The following SPIDR variants were observed in gnomAD, a reference collection of about 807,000 sequenced individuals.
SPIDR encodes the protein scaffold protein involved in DNA repair, also known as DNA repair-scaffolding protein.
SPIDR carries 93 observed loss-of-function variants against 104.6 expected under a neutral mutation model. The ratio of observed to expected loss-of-function variants is 0.89; its 90% CI spans 0.75 to 1.06. The LOEUF (loss-of-function observed/expected upper bound fraction) is 1.06, where lower values mean the gene tolerates loss of function less well. Among genes scored for constraint, SPIDR ranks in the 50% least tolerant of loss-of-function variants. The pLI, the probability that SPIDR is intolerant of heterozygous loss-of-function variation, is 0.00. For synonymous variants in SPIDR, 431 were observed against 416.9 expected (o/e 1.03, Z -0.41); for missense variants, 1,154 against 1,111.2 (o/e 1.04, Z -0.55).
chr8:47,583,700 T>G (rs2059978598), intron 8 of SPIDR, among the ~76,000 whole-genome samples: 1 of 152,154 alleles, frequency 6.6e-6, no homozygotes, highest in Non-Finnish European at 1.5e-5. Context: ...GAACATGAAT[T>G]TTTTCTGCAG....
At chr8:47,411,609 G>C (rs923952089) in intron 7 of SPIDR, among the ~76,000 whole-genome samples, 2 of 152,156 alleles carry the variant, frequency 1.3e-5, no homozygotes, top group Admixed American at 6.6e-5. Flanking sequence ...TAGGTTGCCT[G>C]TTCACTCTGA....
chr8:47,646,700 T>A (rs2154449689), intron 10 of SPIDR, among the ~76,000 whole-genome samples: 1 of 152,204 alleles, frequency 6.6e-6, no homozygotes, highest in East Asian at 1.9e-4. Flanking sequence ...AGAGAGAAAC[T>A]TTTGAAGCAT....
At chr8:47,673,532 T>G in intron 10 of SPIDR, 1 of 538,626 alleles carries the variant, frequency 1.9e-6, no homozygotes, top group South Asian at 1.5e-5. Context: ...GTTTCATGCC[T>G]GTGGATGGTG....
chr8:47,527,093 T>C (rs1254035454), intron 8 of SPIDR, among the ~76,000 whole-genome samples: 1 of 152,098 alleles, frequency 6.6e-6, no homozygotes, highest in East Asian at 1.9e-4. Context: ...TTATGTTCTA[T>C]GTCTAGGAAC....
intron 1 of SPIDR, among the ~76,000 whole-genome samples, chr8:47,277,824 A>G (rs2036859202): frequency 6.6e-6 from 1 of 151,430 alleles, no homozygotes; most frequent in African/African-American, 2.4e-5. Context: ...ACAGGCGCAC[A>G]CCACCATTCC....
intron 5 of SPIDR, among the ~76,000 whole-genome samples, chr8:47,331,646 T>A (rs1554604591): frequency 6.6e-6 from 1 of 152,178 alleles, no homozygotes; most frequent in Non-Finnish European, 1.5e-5. Context: ...TACACTACTA[T>A]CAACTTTATA....
rs551460527 is a variant in SPIDR, at chr8:47,512,311, G to A, written c.1097+71769G>A. ...TGAAACCCAAACTCTTGTGTTGTTC[G>A]TCTCACCCTGTCTACACACTGTTGC... On this transcript the variant is annotated intron_variant, in intron 8 of 19. Coordinates refer to ENST00000297423, the MANE Select transcript of SPIDR (RefSeq NM_001080394.4). Among the ~76,000 whole-genome samples the A allele has an allele frequency of 1.4e-3, 219 of 152,214 alleles. 2 individuals are homozygous for A. The highest frequency in any genetic ancestry group is 3.5e-3 in the South Asian group (17 of 4,824).
At chr8:47,441,298 A>G (rs1554696860) in intron 8 of SPIDR, among the ~76,000 whole-genome samples, 1 of 152,116 alleles carries the variant, frequency 6.6e-6, no homozygotes, top group Non-Finnish European at 1.5e-5. Flanking sequence ...TCTCCTTTAC[A>G]AACCTACTTT....
At chr8:47,603,489 G>A (rs776129353) in intron 10 of SPIDR, among the ~76,000 whole-genome samples, 2 of 151,888 alleles carry the variant, frequency 1.3e-5, no homozygotes, top group Non-Finnish European at 2.9e-5. Flanking sequence ...AACCTCCTGG[G>A]CTCGAGCAGT....
rs965849735 is a variant in SPIDR, at chr8:47,471,361, A to G, written c.1097+30819A>G. On this transcript the variant is annotated intron_variant, in intron 8 of 19. Transcript: ENST00000297423. ...AAAAAAACAGCCCAGTTCAAAAATG[A>G]GCAAAGGACTATAATGGACATTTAT... is the stretch of plus-strand genomic sequence containing the variant. Among the ~76,000 whole-genome samples, 12 of 151,232 alleles carry G rather than the reference A, an allele frequency of 7.9e-5. No individual in the cohort carries two copies. The East Asian group carries it at 2.3e-3, about 29-fold the overall frequency.
chr8:47,564,750 T>G (rs1440549608), intron 8 of SPIDR, among the ~76,000 whole-genome samples: 1 of 152,126 alleles, frequency 6.6e-6, no homozygotes, highest in Non-Finnish European at 1.5e-5. Flanking sequence ...ACACTGCGCT[T>G]TTCTTTAAAA....
At chr8:47,618,190 T>C (rs997163204) in intron 10 of SPIDR, among the ~76,000 whole-genome samples, 4 of 144,724 alleles carry the variant, frequency 2.8e-5, no homozygotes, top group African/African-American at 9.9e-5. Flanking sequence ...TTTGGCTGGA[T>C]TTTTTTTTTA....
At position 47,735,481 on chromosome 8, in the gene SPIDR, T is replaced by C. The variant is rs1324055977; in HGVS notation, c.*31T>C. On this transcript the variant is annotated 3_prime_UTR_variant, in exon 20 of 20. Transcript: ENST00000297423. ...GCCGCAGGATCTGTGAACTTTGCAA[T>C]GTGGCTGCAAGGGTGGTGGTGGTGG... 1.2e-6 allele frequency: 2 copies of C among 1,613,888 alleles called. No individual in the cohort carries two copies. The highest frequency in any genetic ancestry group is 1.3e-5 in the African/African-American group (1 of 74,906).
At chr8:47,270,973 A>C (rs1312354716) in intron 1 of SPIDR, among the ~76,000 whole-genome samples, 1 of 152,204 alleles carries the variant, frequency 6.6e-6, no homozygotes, top group African/African-American at 2.4e-5. Context: ...TTATGGCCTA[A>C]CATGGTCTGT....
At chr8:47,734,326 C>G (rs2085803932) in intron 19 of SPIDR, among the ~76,000 whole-genome samples, 1 of 152,146 alleles carries the variant, frequency 6.6e-6, no homozygotes, top group South Asian at 2.1e-4. Context: ...CATGAGAAGC[C>G]AGACACTGAG....
chr8:47,512,976 TTCTG>T (rs1454743258), intron 8 of SPIDR, among the ~76,000 whole-genome samples: 1 of 152,234 alleles, frequency 6.6e-6, no homozygotes, highest in African/African-American at 2.4e-5. Context: ...GAAAGCAGCT[TTCTG>T]ACTGTAAAAG....
intron 8 of SPIDR, among the ~76,000 whole-genome samples, chr8:47,524,454 C>A (rs1394429796): frequency 6.6e-6 from 1 of 152,198 alleles, no homozygotes; most frequent in Non-Finnish European, 1.5e-5. Flanking sequence ...ATAGTCGCAG[C>A]ACTATTTTGG....
At chr8:47,534,210 C>T (rs1365190242) in intron 8 of SPIDR, among the ~76,000 whole-genome samples, 1 of 152,218 alleles carries the variant, frequency 6.6e-6, no homozygotes, top group East Asian at 1.9e-4. Flanking sequence ...TCGATTAAAC[C>T]TCTTCTCTTC....
Position 47,283,975 on chromosome 8 carries a change from G to GT in SPIDR, c.190-44dup, listed in dbSNP as rs1166029255. The GT allele has an allele frequency of 1.2e-3, 1,607 of 1,350,146 alleles. 2 individuals are homozygous for GT. Among genetic ancestry groups the GT allele is most frequent in the South Asian group, 3.9e-3 (307 of 78,200 alleles). The allele number at this position is 1,350,146 out of a possible 1,614,324, so 83.6% of individuals were successfully genotyped here. A position where few individuals can be genotyped will look rare whatever the true frequency, so the allele number is the denominator to read the frequency against. ...TTAAGATTTTGAATATTTTATAAAA[G>GT]TTTTTTTTTAGCATTTGTCACATAA... On this transcript the variant is annotated intron_variant, in intron 2 of 19. Coordinates refer to ENST00000297423, the MANE Select transcript of SPIDR (RefSeq NM_001080394.4).
Sources: allele counts gnomAD v4.1 joint callset (sites outside exome capture counted in the v4.1 genomes callset), GRCh38; gene constraint gnomAD v4.1.1; transcripts MANE v1.5; gene names NCBI Gene and HGNC (gene_info 2026-07-23, HGNC 2026-07-21).